The following ACTN1 variants were observed in gnomAD, a reference collection of about 807,000 sequenced individuals.
The protein encoded by ACTN1 is actinin alpha 1.
In ACTN1, 30 loss-of-function variants were observed where a neutral mutation model predicts 119.6. That is an observed-to-expected ratio of 0.25 (90% CI 0.19 to 0.34). ACTN1 has a LOEUF of 0.34. Among genes scored for constraint, ACTN1 ranks in the 10% least tolerant of loss-of-function variants. ACTN1 has a pLI of 1.00. For missense variants in ACTN1, 764 were observed against 1,223.4 expected, an observed-to-expected ratio of 0.62 and a Z score of 5.60; for synonymous variants, 429 against 472.6, an observed-to-expected ratio of 0.91 and a Z score of 1.20.
chr14:68,921,549 A>G (rs1043927131), intron 2 of ACTN1, among the ~76,000 whole-genome samples: 1 of 152,190 alleles, frequency 6.6e-6, no homozygotes, highest in Non-Finnish European at 1.5e-5. Flanking sequence ...AGAAAGATCC[A>G]TGCTCTTCAA....
chr14:68,910,654 A>AC (rs745781267), intron 4 of ACTN1, among the ~76,000 whole-genome samples: 8 of 144,004 alleles, frequency 5.6e-5, no homozygotes, highest in Non-Finnish European at 1.0e-4. Context: ...AAACCACACT[A>AC]CCCCCCTGCT....
At position 68,875,112 on chromosome 14, in the gene ACTN1, G is replaced by A. The variant is rs926484025; in HGVS notation, c.2587-95C>T. ...CGCAAAGCCTGGCGGCGTGAAGGCA[G>A]CATGTGCCGTTTGCATTTTGCCTCC... On this transcript the variant is annotated intron_variant, in intron 21 of 21. Transcript: ENST00000394419. 17 of 1,565,970 alleles carry A rather than the reference G, an allele frequency of 1.1e-5. No homozygotes were observed. In the Admixed American group the frequency reaches 1.1e-4, roughly 10 times the overall value.
intron 3 of ACTN1, among the ~76,000 whole-genome samples, chr14:68,918,141 A>T (rs911570106): frequency 3.9e-5 from 6 of 152,210 alleles, no homozygotes; most frequent in African/African-American, 1.4e-4. Flanking sequence ...AAACGGGAAA[A>T]CTGAGGCTGC....
At chr14:68,917,551 G>A (rs11628692) in intron 3 of ACTN1, among the ~76,000 whole-genome samples, 14,494 of 152,146 alleles carry the variant, frequency 0.095, 848 homozygotes, top group Non-Finnish European at 0.14. Flanking sequence ...TCTGCCCATC[G>A]CCTTTTATTT....
chr14:68,947,627 A>G (rs1199478854), intron 1 of ACTN1: 4 of 152,238 alleles, frequency 2.6e-5, no homozygotes, highest in Non-Finnish European at 5.9e-5. Flanking sequence ...ATGCAGCTCC[A>G]AGCAGGGTTC....
intron 8 of ACTN1, among the ~76,000 whole-genome samples, chr14:68,896,341 G>A (rs1481295420): frequency 1.3e-5 from 2 of 152,036 alleles, no homozygotes; most frequent in Non-Finnish European, 2.9e-5. Context: ...GTGGTCCCTT[G>A]ATGAAGGCGG....
At position 68,879,885 on chromosome 14, in the gene ACTN1, T is replaced by C. The variant is rs2031328085; in HGVS notation, c.2280+77A>G. On this transcript the variant is annotated intron_variant, in intron 18 of 21. Transcript: ENST00000394419. The surrounding 1 kb of genome is among the most constrained non-coding windows in gnomAD (Gnocchi z 4.9). Reference sequence around the variant, plus strand: ...CTCCTCACTTGCATGGCAGCCCACGTCCCGGGGAAGTGCCCTCCAGGGCCC... The same window carrying C: ...CTCCTCACTTGCATGGCAGCCCACGCCCCGGGGAAGTGCCCTCCAGGGCCC... 2 of 1,558,410 alleles carry C rather than the reference T, an allele frequency of 1.3e-6. No homozygotes were observed. Among genetic ancestry groups the C allele is most frequent in the Admixed American group, 1.8e-5 (1 of 54,748 alleles).
At chr14:68,900,317 G>A (rs2033225958) in intron 8 of ACTN1, among the ~76,000 whole-genome samples, 1 of 152,048 alleles carries the variant, frequency 6.6e-6, no homozygotes, top group African/African-American at 2.4e-5. Context: ...ATTGTCCACT[G>A]CACACACGTG....
intron 1 of ACTN1, 53 bp downstream of exon 1, chr14:68,978,899 C>CGGGGCTGGGGGCTGGGGGCTGGGGGCTG (rs59714290): frequency 7.2e-6 from 8 of 1,113,370 alleles, no homozygotes; most frequent in South Asian, 1.5e-5. Context: ...CAGAGCGGGT[C>CGGGGCTGGGGGCTGGGGGCTGGGGGCTG]GGGGCTGGGG....
At chr14:68,893,091 T>A (rs890524183) in intron 9 of ACTN1, among the ~76,000 whole-genome samples, 2 of 152,030 alleles carry the variant, frequency 1.3e-5, no homozygotes, top group African/African-American at 4.8e-5. Context: ...GGGCAGCAGA[T>A]CCACCAAGAG....
intron 3 of ACTN1, 40 bp downstream of exon 3, chr14:68,920,966 G>C (rs972533621): frequency 6.2e-7 from 1 of 1,608,978 alleles, no homozygotes; most frequent in Non-Finnish European, 8.5e-7. Context: ...GGGGGACAAA[G>C]AAAATCAGGC....
intron 6 of ACTN1, among the ~76,000 whole-genome samples, chr14:68,906,201 A>G (rs189127625): frequency 6.6e-6 from 1 of 152,334 alleles, no homozygotes; most frequent in East Asian, 1.9e-4. Flanking sequence ...ACCCCTGAAC[A>G]GTAAGTGTAT....
chr14:68,977,978 G>A (rs748786717), intron 1 of ACTN1: 77 of 456,178 alleles, frequency 1.7e-4, no homozygotes, highest in Non-Finnish European at 2.1e-4. Flanking sequence ...CGGTAGGGTT[G>A]AGGCGCCCTC....
chr14:68,933,251 A>C (rs968060092), intron 1 of ACTN1, among the ~76,000 whole-genome samples: 15 of 152,104 alleles, frequency 9.9e-5, no homozygotes, highest in Non-Finnish European at 1.8e-4. Flanking sequence ...CTCCTGCCTC[A>C]GCCTCCTGAG....
At chr14:68,952,981 T>A (rs887447981) in intron 1 of ACTN1, among the ~76,000 whole-genome samples, 1 of 152,052 alleles carries the variant, frequency 6.6e-6, no homozygotes, top group Non-Finnish European at 1.5e-5. Context: ...AAGGGTTTCC[T>A]GAGAGGGTCG....
intron 1 of ACTN1, chr14:68,936,710 C>G: frequency 1.6e-6 from 1 of 637,642 alleles, no homozygotes; most frequent in Non-Finnish European, 3.0e-6. Flanking sequence ...AGGAAAGGGG[C>G]TTTGACAAAG....
intron 2 of ACTN1, among the ~76,000 whole-genome samples, chr14:68,924,673 A>G (rs1305334753): frequency 6.6e-6 from 1 of 152,232 alleles, no homozygotes; most frequent in Non-Finnish European, 1.5e-5. Context: ...GAGCTGGGGT[A>G]AAGGCCTTTG....
At position 68,938,321 on chromosome 14, in the gene ACTN1, C is replaced by G. The variant is rs539137600; in HGVS notation, c.106-12649G>C. ...AGCCTGTCCCCAGGACATGTGAGTG[C>G]TGGGGTCCTGGAGATTCAGAGTAGG... On this transcript the variant is annotated intron_variant, in intron 1 of 21. Coordinates refer to ENST00000394419, the MANE Select transcript of ACTN1 (RefSeq NM_001130004.2). Among the ~76,000 whole-genome samples the G allele has an allele frequency of 5.3e-5, 8 of 152,250 alleles. No homozygotes were observed. In the East Asian group the frequency reaches 5.8e-4, roughly 11 times the overall value.
At chr14:68,881,972 G>C (rs1159863641) in intron 16 of ACTN1, among the ~76,000 whole-genome samples, 2 of 102,052 alleles carry the variant, frequency 2.0e-5, no homozygotes, top group African/African-American at 8.3e-5. Flanking sequence ...GTCTTGCTCT[G>C]TTGCCCAAGC....
Sources: gnomAD v4.1 joint callset for allele counts (sites outside exome capture counted in the v4.1 genomes callset) on GRCh38, gnomAD v4.1.1 for gene constraint, Gnocchi (gnomAD v3.1) non-coding constraint, MANE v1.5 for transcripts, NCBI Gene and HGNC (gene_info 2026-07-23, HGNC 2026-07-21) for gene names.